The following DGKD variants were observed in gnomAD, a reference collection of about 807,000 sequenced individuals.
The protein encoded by DGKD is DAG kinase delta.
A neutral mutation model predicts 154.4 loss-of-function variants in DGKD; 68 were observed. The ratio of observed to expected loss-of-function variants is 0.44; its 90% CI spans 0.36 to 0.54. The LOEUF (loss-of-function observed/expected upper bound fraction) is 0.54, where lower values mean the gene tolerates loss of function less well. DGKD is among the 20% of genes least tolerant of loss of function. The pLI is 0.00. For synonymous variants in DGKD, 693 were observed against 638.0 expected (o/e 1.09, Z -1.30); for missense variants, 1,343 against 1,593.6 (o/e 0.84, Z 2.68).
chr2:233,467,052 C>CCAGATT (rs1559188323), intron 27 of DGKD, 34 bp from the exon 28 acceptor site: 1 of 1,541,262 alleles, frequency 6.5e-7, no homozygotes, highest in Non-Finnish European at 9.0e-7. Flanking sequence ...TCAGTTGCAG[C>CCAGATT]CTGATTCTCA....
intron 3 of DGKD, among the ~76,000 whole-genome samples, chr2:233,406,628 A>ATAT (rs1170684441): frequency 6.6e-6 from 1 of 152,226 alleles, no homozygotes; most frequent in East Asian, 1.9e-4. Context: ...GGATATGACT[A>ATAT]TATTGTATTA....
In DGKD at chr2:233,470,930, C is replaced by G. The variant is rs1047551108; in HGVS notation, c.*1470C>G. ...TCCAGGTCCTTTAGTCAGCGTCACT[C>G]CATCTGATGTGCAGAAGCTGGGCTG... On this transcript the variant is annotated 3_prime_UTR_variant, in exon 30 of 30. Coordinates refer to ENST00000264057, the MANE Select transcript of DGKD (RefSeq NM_152879.3). 3 of 152,446 alleles carry G rather than the reference C, an allele frequency of 2.0e-5. No individual in the cohort carries two copies. The highest frequency in any genetic ancestry group is 1.9e-4 in the East Asian group (1 of 5,308). 9.4% of individuals were successfully genotyped at this position (152,446 alleles called of 1,614,324 possible). A position where few individuals can be genotyped will look rare whatever the true frequency, so the allele number is the denominator to read the frequency against.
intron 26 of DGKD, among the ~76,000 whole-genome samples, chr2:233,463,377 A>G (rs2063717430): frequency 1.7e-5 from 2 of 119,278 alleles, no homozygotes; most frequent in African/African-American, 6.2e-5. Flanking sequence ...CACTCCACAC[A>G]TCTCCTCACT....
At chr2:233,462,212 C>G in intron 24 of DGKD, 136 bp from the exon 25 acceptor site, 1 of 645,630 alleles carries the variant, frequency 1.5e-6, no homozygotes, top group Admixed American at 2.9e-5. Flanking sequence ...GGCTGAGCCA[C>G]GATCCCTGTC....
In DGKD at chr2:233,435,940, C is replaced by G. The variant is rs756602571; in HGVS notation, c.693+16C>G. ...TGCAGATGGGGTATGTTAAGAAATA[C>G]CACCTGTGGGGCCCTGAGCCAGGGT... On this transcript the variant is annotated intron_variant, in intron 6 of 29. Transcript: ENST00000264057. 6.0e-5 allele frequency: 95 copies of G among 1,594,032 alleles called. No individual in the cohort carries two copies. The highest frequency in any genetic ancestry group is 1.7e-4 in the Middle Eastern group (1 of 5,750).
At chr2:233,448,036 G>A (rs1242588610) in intron 12 of DGKD, 51 bp from the exon 13 acceptor site, 2 of 1,610,050 alleles carry the variant, frequency 1.2e-6, no homozygotes, top group Admixed American at 1.7e-5. Context: ...GACTGTCATG[G>A]AGCTTGCTGT....
Position 233,457,140 on chromosome 2 carries a change from C to T in DGKD, c.2473-81C>T, listed in dbSNP as rs2063486094. ...TGGCCACGGCTGTGCTCCTGAGCCC[C>T]TGGCGGTGGGAAGCTGGTAGAGAAG... On this transcript the variant is annotated intron_variant, in intron 20 of 29. Coordinates refer to ENST00000264057, the MANE Select transcript of DGKD (RefSeq NM_152879.3). The surrounding 1 kb of genome is among the most constrained non-coding windows in gnomAD (Gnocchi z 5.5). The T allele has an allele frequency of 3.7e-6, 5 of 1,344,924 alleles. No individual in the cohort carries two copies. In the Admixed American group the frequency reaches 6.3e-5, roughly 17 times the overall value. 83.3% of individuals were successfully genotyped at this position (1,344,924 alleles called of 1,614,324 possible).
chr2:233,377,518 C>A (rs1437170219), intron 1 of DGKD, among the ~76,000 whole-genome samples: 1 of 152,274 alleles, frequency 6.6e-6, no homozygotes, highest in Non-Finnish European at 1.5e-5. Flanking sequence ...TTTGAATGTA[C>A]CGTAATTTAT....
Position 233,388,395 on chromosome 2 carries a change from C to T in DGKD, c.267+28C>T, listed in dbSNP as rs200796059. 1,138 of 1,598,282 alleles carry T rather than the reference C, an allele frequency of 7.1e-4. 1 individual carries two copies. The highest frequency in any genetic ancestry group is 7.9e-4 in the Non-Finnish European group (927 of 1,173,010). On this transcript the variant is annotated intron_variant, in intron 2 of 29. Transcript: ENST00000264057. The stretch of plus-strand genomic sequence containing the variant: ...GAGGCCCCATGCAGGAAAGCACACG[C>T]GAGGACATCACAGGAGCCGTCCCAG...
rs1345888972 is a variant in DGKD at position 233,457,246 on chromosome 2, C to G, written c.2498C>G (p.Pro833Arg). The G allele has an allele frequency of 3.3e-6, 5 of 1,521,070 alleles. No homozygotes were observed. Among genetic ancestry groups the G allele is most frequent in the South Asian group, 2.7e-5 (2 of 75,452 alleles). The allele number at this position is 1,521,070 out of a possible 1,614,324, so 94.2% of individuals were successfully genotyped here. Residue 833 changes from proline (P) to arginine (R), a missense_variant, in exon 21 of 30, where the codon CCC (proline) becomes CGC (arginine). Physicochemically the swap from Pro to Arg is moderately radical, Grantham distance 103. Transcript: ENST00000264057. The surrounding 1 kb of genome is among the most constrained non-coding windows in gnomAD (Gnocchi z 5.5). ...TGTGACGGGCGACCCATCCCACTCC[C>G]CAGTCTTCAGGGAATTGCTGTCCTT... ...LECDGRPIPLPSLQGIAVLNI... is the reference protein window; with the variant it reads ...LECDGRPIPLRSLQGIAVLNI...
At chr2:233,367,294 T>C (rs1028439290) in intron 1 of DGKD, among the ~76,000 whole-genome samples, 3 of 151,880 alleles carry the variant, frequency 2.0e-5, no homozygotes, top group African/African-American at 4.8e-5. Flanking sequence ...AGTGGTGCGA[T>C]CTCGGCTCAC....
chr2:233,355,035 G>T (rs1701476376), intron 1 of DGKD, among the ~76,000 whole-genome samples: 1 of 151,794 alleles, frequency 6.6e-6, no homozygotes, highest in African/African-American at 2.4e-5. Context: ...GGTCCCACGC[G>T]GGGGCTCCCG....
Position 233,437,382 on chromosome 2 carries a change from C to G in DGKD, c.825C>G (p.His275Gln). The G allele has an allele frequency of 6.2e-7, 1 of 1,614,168 alleles. No individual in the cohort carries two copies. The highest frequency in any genetic ancestry group is 2.2e-5 in the East Asian group (1 of 44,878). ...WRCLWCKAMVHTSCKESLLTK... is the reference protein window; with the variant it reads ...WRCLWCKAMVQTSCKESLLTK... ...CGCGGGGACTCTTGTTTCAGGTTCACACATCGTGTAAAGAATCCTTGCTGA... is the reference window on the plus strand; with the variant it reads ...CGCGGGGACTCTTGTTTCAGGTTCAGACATCGTGTAAAGAATCCTTGCTGA... Residue 275 changes from histidine to glutamine, a missense_variant, in exon 8 of 30, where the codon CAC (histidine) becomes CAG (glutamine). Physicochemically the swap from His to Gln is conservative, Grantham distance 24. Coordinates refer to ENST00000264057, the MANE Select transcript of DGKD (RefSeq NM_152879.3).
chr2:233,363,622 A>G (rs1357164819), intron 1 of DGKD, among the ~76,000 whole-genome samples: 1 of 152,224 alleles, frequency 6.6e-6, no homozygotes, highest in Non-Finnish European at 1.5e-5. Flanking sequence ...TTCACTCACC[A>G]GTCATTCACT....
intron 1 of DGKD, among the ~76,000 whole-genome samples, chr2:233,368,049 C>T (rs1414204283): frequency 6.6e-6 from 1 of 151,854 alleles, no homozygotes; most frequent in Non-Finnish European, 1.5e-5. Context: ...ATAGGTGATT[C>T]CTGGGCACTG....
At chr2:233,395,517 T>C (rs1253608458) in intron 3 of DGKD, among the ~76,000 whole-genome samples, 1 of 152,128 alleles carries the variant, frequency 6.6e-6, no homozygotes, top group Non-Finnish European at 1.5e-5. Context: ...TCTACTTCCC[T>C]TCTGTGTTGT....
At position 233,449,037 on chromosome 2, in the gene DGKD, G is replaced by C; in HGVS notation, c.1615-66G>C. On this transcript the variant is annotated intron_variant, in intron 14 of 29. Transcript: ENST00000264057. This position sits in a 1 kb window ranked among gnomAD's most constrained non-coding sequence, Gnocchi z 5.3. ...AGGAAGTCTGGGTGAAATGGCCTGAGGTTCCCTGCCTGCAGACCCTGTTCT... is the reference window on the plus strand; with the variant it reads ...AGGAAGTCTGGGTGAAATGGCCTGACGTTCCCTGCCTGCAGACCCTGTTCT... 6.6e-7 allele frequency: 1 copy of C among 1,509,870 alleles called. No homozygotes were observed. Among genetic ancestry groups the C allele is most frequent in the South Asian group, 1.3e-5 (1 of 77,526 alleles). The allele number at this position is 1,509,870 out of a possible 1,614,324, so 93.5% of individuals were successfully genotyped here. A position where few individuals can be genotyped will look rare whatever the true frequency, so the allele number is the denominator to read the frequency against.
rs149111963 is a variant in DGKD, at chr2:233,405,605, G to C, written c.348+15122G>C. On this transcript the variant is annotated intron_variant, in intron 3 of 29. Coordinates refer to ENST00000264057, the MANE Select transcript of DGKD (RefSeq NM_152879.3). ...ATGGATTAATGCTGTTATTGTAGGG[G>C]TCAGTTCCTAATAAAGGGATGAGTT... Among the ~76,000 whole-genome samples the C allele has an allele frequency of 8.6e-3, 1,311 of 152,184 alleles. 26 individuals carry two copies. Among genetic ancestry groups the C allele is most frequent in the Admixed American group, 9.0e-3 (138 of 15,280 alleles).
chr2:233,400,216 C>T lies in DGKD; in HGVS notation c.348+9733C>T, dbSNP rs191469032. 7.2e-5 allele frequency among the ~76,000 whole-genome samples: 11 copies of T among 152,300 alleles called. No homozygotes were observed. In the East Asian group the frequency reaches 1.7e-3, roughly 24 times the overall value. ...AGAATCAGAGCTAAATTCAATTTAG[C>T]AAAGATTTTCTAGACTAAGTAGGAA... On this transcript the variant is annotated intron_variant, in intron 3 of 29. Coordinates refer to ENST00000264057, the MANE Select transcript of DGKD (RefSeq NM_152879.3).
Sources: allele counts gnomAD v4.1 joint callset (sites outside exome capture counted in the v4.1 genomes callset), GRCh38; gene constraint gnomAD v4.1.1; non-coding constraint Gnocchi (gnomAD v3.1); transcripts MANE v1.5; gene names NCBI Gene and HGNC (gene_info 2026-07-23, HGNC 2026-07-21).